CADPS: variants seen among roughly 807,000 people sequenced by gnomAD.
CADPS encodes the protein calcium dependent secretion activator.
CADPS carries 57 observed loss-of-function variants against 167.3 expected under a neutral mutation model. The observed-to-expected ratio is 0.34, with a 90% CI of 0.28 to 0.42. The LOEUF (loss-of-function observed/expected upper bound fraction) is 0.42. Among genes scored for constraint, CADPS ranks in the 20% least tolerant of loss-of-function variants. CADPS has a pLI of 1.00. For synonymous variants in CADPS, 676 were observed against 635.3 expected, an observed-to-expected ratio of 1.06 and a Z score of -0.96; for missense variants, 1,414 against 1,738.1, an observed-to-expected ratio of 0.81 and a Z score of 3.32.
chr3:62,730,141 T>C (rs2077494364), intron 3 of CADPS, among the ~76,000 whole-genome samples: 1 of 149,494 alleles, frequency 6.7e-6, no homozygotes, highest in African/African-American at 2.6e-5. Context: ...CGGTCTTCTT[T>C]GTAGCCATTG....
At chr3:62,499,924 T>C (rs2065457589) in intron 17 of CADPS, 1 of 152,232 alleles carries the variant, frequency 6.6e-6, no homozygotes, top group South Asian at 2.1e-4. Flanking sequence ...TCAGTTAAAC[T>C]GAAACAATGT....
At position 62,478,087 on chromosome 3, in the gene CADPS, C is replaced by A; in HGVS notation, c.3329+174G>T. Reference sequence around the variant, plus strand: ...TTTTGGGTTTGGGACAGATGGAGGGCAGGTGAATGGAAGTTAGACGTTGAC... The same window carrying A: ...TTTTGGGTTTGGGACAGATGGAGGGAAGGTGAATGGAAGTTAGACGTTGAC... On this transcript the variant is annotated intron_variant, in intron 23 of 29. Transcript: ENST00000383710. This position sits in a 1 kb window ranked among gnomAD's most constrained non-coding sequence, Gnocchi z 5.7. The A allele has an allele frequency of 1.6e-6, 1 of 641,276 alleles. No individual in the cohort carries two copies. The highest frequency in any genetic ancestry group is 2.6e-6 in the Non-Finnish European group (1 of 381,168). The allele number at this position is 641,276 out of a possible 1,614,324, so 39.7% of individuals were successfully genotyped here.
chr3:62,824,014 G>A (rs899529076), intron 1 of CADPS, among the ~76,000 whole-genome samples: 7 of 151,846 alleles, frequency 4.6e-5, no homozygotes, highest in Non-Finnish European at 8.8e-5. Context: ...AATGTGCAAG[G>A]GGAAAAACAG....
intron 3 of CADPS, among the ~76,000 whole-genome samples, chr3:62,665,914 A>C (rs781225621): frequency 7.2e-5 from 11 of 152,212 alleles, no homozygotes; most frequent in Non-Finnish European, 4.4e-5. Flanking sequence ...ATGGCTTGGC[A>C]TGCAGCAAAC....
chr3:62,670,967 C>T (rs964851552), intron 3 of CADPS, among the ~76,000 whole-genome samples: 6 of 152,174 alleles, frequency 3.9e-5, no homozygotes, highest in African/African-American at 1.2e-4. Flanking sequence ...GCAGTCATAG[C>T]GCATGGTAGT....
intron 3 of CADPS, among the ~76,000 whole-genome samples, chr3:62,714,260 A>G (rs888591231): frequency 6.6e-6 from 1 of 152,180 alleles, no homozygotes; most frequent in Non-Finnish European, 1.5e-5. Flanking sequence ...TTAAAAAGTC[A>G]TTTTCATAAT....
At chr3:62,858,938 G>A (rs974291821) in intron 1 of CADPS, among the ~76,000 whole-genome samples, 3 of 152,112 alleles carry the variant, frequency 2.0e-5, no homozygotes, top group Non-Finnish European at 4.4e-5. Context: ...AAACTTAGGA[G>A]TGAATTTTTA....
intron 1 of CADPS, among the ~76,000 whole-genome samples, chr3:62,845,459 G>T (rs761994596): frequency 6.6e-6 from 1 of 152,112 alleles, no homozygotes; most frequent in African/African-American, 2.4e-5. Context: ...AGGTCATTTT[G>T]AAGATGAAAT....
chr3:62,408,016 T>C (rs1402708043), intron 28 of CADPS, among the ~76,000 whole-genome samples: 4 of 152,172 alleles, frequency 2.6e-5, no homozygotes, highest in Non-Finnish European at 5.9e-5. Context: ...ATTACAGGTG[T>C]GAGCCACTGC....
chr3:62,804,769 T>C (rs558409768), intron 1 of CADPS, among the ~76,000 whole-genome samples: 20 of 152,278 alleles, frequency 1.3e-4, no homozygotes, highest in African/African-American at 4.3e-4. Context: ...GATTTATATT[T>C]TATCTTTATT....
intron 13 of CADPS, among the ~76,000 whole-genome samples, chr3:62,521,807 G>A (rs527853368): frequency 6.6e-6 from 1 of 152,288 alleles, no homozygotes; most frequent in Admixed American, 6.5e-5. Context: ...ACTCTCGTGT[G>A]AGGGTAAATC....
chr3:62,708,555 C>T (rs2082756769), intron 3 of CADPS, among the ~76,000 whole-genome samples: 2 of 151,984 alleles, frequency 1.3e-5, no homozygotes, highest in Admixed American at 6.6e-5. Flanking sequence ...TCCCCTGAGC[C>T]CTCTCCTACA....
At chr3:62,447,818 A>G (rs1400175665) in intron 26 of CADPS, among the ~76,000 whole-genome samples, 1 of 152,016 alleles carries the variant, frequency 6.6e-6, no homozygotes, top group Non-Finnish European at 1.5e-5. Flanking sequence ...AAGATTCTAA[A>G]CCCCAAATCT....
intron 6 of CADPS, among the ~76,000 whole-genome samples, chr3:62,607,019 T>C (rs769576223): frequency 1.1e-4 from 17 of 152,154 alleles, no homozygotes; most frequent in Middle Eastern, 3.2e-3. Flanking sequence ...AGTTTCGGGG[T>C]GGTTTGTTAC....
intron 28 of CADPS, among the ~76,000 whole-genome samples, chr3:62,414,675 CAAGT>C (rs1439653400): frequency 6.6e-6 from 1 of 152,152 alleles, no homozygotes; most frequent in East Asian, 1.9e-4. Flanking sequence ...GAAATTTCTG[CAAGT>C]GGGAATTTTG....
At position 62,421,042 on chromosome 3, in the gene CADPS, C is replaced by T. The variant is rs941199083; in HGVS notation, c.3777+17062G>A. On this transcript the variant is annotated intron_variant, in intron 28 of 29. Transcript: ENST00000383710. This position sits in a 1 kb window ranked among gnomAD's most constrained non-coding sequence, Gnocchi z 4.7. ...CATTCAACATGCTGGGTGCCCTCGA[C>T]AGCTACAGATGGTTTGGGATCCACC... is the stretch of plus-strand genomic sequence containing the variant. 6.6e-6 allele frequency among the ~76,000 whole-genome samples: 1 copy of T among 152,150 alleles called. No individual in the cohort carries two copies. The highest frequency in any genetic ancestry group is 1.5e-5 in the Non-Finnish European group (1 of 68,034).
chr3:62,645,600 TA>T, intron 6 of CADPS, 121 bp downstream of exon 6: 1 of 1,056,702 alleles, frequency 9.5e-7, no homozygotes, highest in Non-Finnish European at 1.4e-6. Context: ...GTTTGAAAAA[TA>T]AACAAGGTTT....
intron 6 of CADPS, among the ~76,000 whole-genome samples, chr3:62,603,079 C>T (rs534400531): frequency 2.6e-5 from 4 of 152,264 alleles, no homozygotes; most frequent in African/African-American, 7.2e-5. Flanking sequence ...GTCACCTGTA[C>T]GATGCACTCC....
rs2049177840 is a variant in CADPS, at chr3:62,412,605, A to T, written c.3778-9420T>A. ...TAATGACCAAATTCCAACTCTGTAAAATGTGTAATAAGTAATTCTTTAGCA... is the reference window on the plus strand; with the variant it reads ...TAATGACCAAATTCCAACTCTGTAATATGTGTAATAAGTAATTCTTTAGCA... On this transcript the variant is annotated intron_variant, in intron 28 of 29. Coordinates refer to ENST00000383710, the MANE Select transcript of CADPS (RefSeq NM_003716.4). This position sits in a 1 kb window ranked among gnomAD's most constrained non-coding sequence, Gnocchi z 4.1. Among the ~76,000 whole-genome samples the T allele has an allele frequency of 6.6e-6, 1 of 152,100 alleles. No individual in the cohort carries two copies. The highest frequency in any genetic ancestry group is 2.4e-5 in the African/African-American group (1 of 41,418).
Sources: gnomAD v4.1 joint callset for allele counts (sites outside exome capture counted in the v4.1 genomes callset) on GRCh38, gnomAD v4.1.1 for gene constraint, Gnocchi (gnomAD v3.1) non-coding constraint, MANE v1.5 for transcripts, NCBI Gene and HGNC (gene_info 2026-07-23, HGNC 2026-07-21) for gene names.